The following KIAA0825 variants were observed in gnomAD, a reference collection of about 807,000 sequenced individuals.
KIAA0825 encodes the protein uncharacterized protein KIAA0825.
A neutral mutation model predicts 147.6 loss-of-function variants in KIAA0825; 119 were observed. The ratio of observed to expected loss-of-function variants is 0.81; its 90% CI spans 0.69 to 0.94. KIAA0825 has a LOEUF of 0.94. Among genes scored for constraint, KIAA0825 ranks in the 40% least tolerant of loss-of-function variants. The pLI is 0.00. For synonymous variants in KIAA0825, 470 were observed against 518.1 expected (o/e 0.91, Z 1.26); for missense variants, 1,381 against 1,472.7 (o/e 0.94, Z 1.02).
chr5:94,306,171 T>C (rs1056601776), intron 20 of KIAA0825, among the ~76,000 whole-genome samples: 4 of 151,832 alleles, frequency 2.6e-5, no homozygotes, highest in Admixed American at 2.0e-4. Context: ...ATATGTCGAC[T>C]CATATTTAGA....
At position 94,484,897 on chromosome 5, in the gene KIAA0825, A is replaced by C; in HGVS notation, c.1004T>G (p.Phe335Cys). 6.6e-7 allele frequency: 1 copy of C among 1,525,416 alleles called. No individual in the cohort carries two copies. The highest frequency in any genetic ancestry group is 8.9e-7 in the Non-Finnish European group (1 of 1,129,238). The allele number at this position is 1,525,416 out of a possible 1,614,324, so 94.5% of individuals were successfully genotyped here. A position where few individuals can be genotyped will look rare whatever the true frequency, so the allele number is the denominator to read the frequency against. The change falls in exon 6 of 21, where the codon TTC becomes TGC. Residue 335 changes from phenylalanine (F) to cysteine (C), a missense_variant. Physicochemically the swap from Phe to Cys is radical, Grantham distance 205. Transcript: ENST00000682413. ...TTCGACTTTGTCTAAAGGGAGAGAG[A>C]AGTTTCTTCCTTTCTGTGGGCATTC... ...TTECPQKGRN[F>C]SLPLDKVEFL...
chr5:94,454,157 T>G (rs957317849), intron 12 of KIAA0825, among the ~76,000 whole-genome samples: 1 of 152,276 alleles, frequency 6.6e-6, no homozygotes, highest in African/African-American at 2.4e-5. Context: ...GCAGATAACT[T>G]GGCTAGTAAC....
chr5:94,363,202 TCTGA>T (rs912090253), intron 20 of KIAA0825, among the ~76,000 whole-genome samples: 2 of 151,156 alleles, frequency 1.3e-5, no homozygotes. Context: ...ATCTTAGGAC[TCTGA>T]CTATTATTAG....
chr5:94,532,705 T>G (rs1452847029), intron 3 of KIAA0825, among the ~76,000 whole-genome samples: 1 of 151,168 alleles, frequency 6.6e-6, no homozygotes, highest in Non-Finnish European at 1.5e-5. Context: ...AATTTTTTTT[T>G]TTTTTTTTCA....
chr5:94,610,226 C>T (rs976109044), intron 1 of KIAA0825, among the ~76,000 whole-genome samples: 1 of 151,592 alleles, frequency 6.6e-6, no homozygotes, highest in African/African-American at 2.4e-5. Context: ...TCGAGACCAG[C>T]CTGGCCAACA....
chr5:94,304,520 C>T (rs889860295), intron 20 of KIAA0825, among the ~76,000 whole-genome samples: 1 of 151,998 alleles, frequency 6.6e-6, no homozygotes, highest in Non-Finnish European at 1.5e-5. Flanking sequence ...CTCGCCGAAT[C>T]TCATTTAACT....
chr5:94,615,148 GGAAGACGTGAACACAT>G (rs1169414646), intron 1 of KIAA0825, among the ~76,000 whole-genome samples: 2 of 151,698 alleles, frequency 1.3e-5, no homozygotes, highest in Non-Finnish European at 2.9e-5. Flanking sequence ...CCACCAATGT[GGAAGACGTGAACACAT>G]ATAAAAGCTT....
At chr5:94,381,178 A>G (rs1194449122) in intron 20 of KIAA0825, among the ~76,000 whole-genome samples, 1 of 152,164 alleles carries the variant, frequency 6.6e-6, no homozygotes, top group Non-Finnish European at 1.5e-5. Context: ...CCTGGAGTCC[A>G]CATAACCTGG....
At chr5:94,386,996 A>C (rs1300435789) in intron 18 of KIAA0825, among the ~76,000 whole-genome samples, 1 of 151,260 alleles carries the variant, frequency 6.6e-6, no homozygotes, top group Non-Finnish European at 1.5e-5. Flanking sequence ...AGGCCTGGGC[A>C]AAAAAAAAGC....
intron 20 of KIAA0825, among the ~76,000 whole-genome samples, chr5:94,285,272 T>A (rs1324544662): frequency 6.6e-6 from 1 of 152,170 alleles, no homozygotes; most frequent in Admixed American, 6.6e-5. Flanking sequence ...TAAAACAATG[T>A]CAGGCATGTA....
At position 94,152,858 on chromosome 5, in the gene KIAA0825, ATATATATATATATAT is replaced by A. The variant is rs1766658491; in HGVS notation, c.*1134_*1148del. The A allele has an allele frequency of 6.9e-4, 2 of 2,880 alleles. No homozygotes were observed. The highest frequency in any genetic ancestry group is 3.0e-3 in the African/African-American group (2 of 664). 0.2% of individuals were successfully genotyped at this position (2,880 alleles called of 1,614,324 possible). A position where few individuals can be genotyped will look rare whatever the true frequency, so the allele number is the denominator to read the frequency against. On this transcript the variant is annotated 3_prime_UTR_variant, in exon 21 of 21. Coordinates refer to ENST00000682413, the MANE Select transcript of KIAA0825 (RefSeq NM_001145678.3). ...AAAAAAAAAAAAAAAAAAAAAAATT[ATATATATATATATAT>A]ATATATATATATATATATATATATA... is the stretch of plus-strand genomic sequence containing the variant.
chr5:94,272,547 C>A (rs1195732150), intron 20 of KIAA0825, among the ~76,000 whole-genome samples: 1 of 152,108 alleles, frequency 6.6e-6, no homozygotes, highest in Non-Finnish European at 1.5e-5. Flanking sequence ...TTTATTATTT[C>A]TTTTGACCAC....
At chr5:94,199,495 G>A (rs1197997326) in intron 20 of KIAA0825, among the ~76,000 whole-genome samples, 3 of 152,166 alleles carry the variant, frequency 2.0e-5, no homozygotes, top group Non-Finnish European at 4.4e-5. Context: ...GGGGAAGGGG[G>A]GTGTGGGCAA....
intron 1 of KIAA0825, among the ~76,000 whole-genome samples, chr5:94,584,265 C>T (rs1782814171): frequency 6.6e-6 from 1 of 152,122 alleles, no homozygotes; most frequent in African/African-American, 2.4e-5. Flanking sequence ...ATGTTCTAAC[C>T]CATCGCAAGG....
rs528261882 is a variant in KIAA0825 at position 94,190,894 on chromosome 5, T to TA, written c.3711-36771dup. Among the ~76,000 whole-genome samples the TA allele has an allele frequency of 1.8e-3, 275 of 152,174 alleles. 3 individuals carry two copies. Among genetic ancestry groups the TA allele is most frequent in the African/African-American group, 6.5e-3 (268 of 41,538 alleles). ...ATATTACTTACTTAACGCACCCTTT[T>TA]AAAAAAATCAGCAGAAAAACACCAA... On this transcript the variant is annotated intron_variant, in intron 20 of 20. Transcript: ENST00000682413.
At chr5:94,419,721 G>A (rs1206986978) in intron 14 of KIAA0825, among the ~76,000 whole-genome samples, 1 of 152,138 alleles carries the variant, frequency 6.6e-6, no homozygotes, top group African/African-American at 2.4e-5. Context: ...GCAAATATGT[G>A]TATATTTTGT....
chr5:94,254,442 C>T (rs957686475), intron 20 of KIAA0825, among the ~76,000 whole-genome samples: 1 of 152,012 alleles, frequency 6.6e-6, no homozygotes, highest in African/African-American at 2.4e-5. Context: ...ACCAAAATAA[C>T]CAAATGAGAG....
At chr5:94,172,748 C>T (rs1382761070) in intron 20 of KIAA0825, among the ~76,000 whole-genome samples, 4 of 151,886 alleles carry the variant, frequency 2.6e-5, no homozygotes, top group South Asian at 4.1e-4. Flanking sequence ...GTCTGCTTTT[C>T]GTTGCTCAAA....
intron 1 of KIAA0825, among the ~76,000 whole-genome samples, chr5:94,591,369 T>G (rs1283750005): frequency 6.6e-6 from 1 of 152,232 alleles, no homozygotes; most frequent in Non-Finnish European, 1.5e-5. Flanking sequence ...ACTTTGTATT[T>G]TCTTTGTCTT....
Sources: allele counts gnomAD v4.1 joint callset (sites outside exome capture counted in the v4.1 genomes callset), GRCh38; gene constraint gnomAD v4.1.1; transcripts MANE v1.5; gene names NCBI Gene and HGNC (gene_info 2026-07-23, HGNC 2026-07-21).